The following POU6F2 variants were observed in gnomAD, a reference collection of about 807,000 sequenced individuals.
POU6F2 encodes the protein POU class 6 homeobox 2, also known as POU domain, class 6, transcription factor 2.
A neutral mutation model predicts 71.3 loss-of-function variants in POU6F2; 31 were observed. That is an observed-to-expected ratio of 0.43 (90% CI 0.33 to 0.59). The LOEUF is 0.59. POU6F2 is among the 20% of genes least tolerant of loss of function. The pLI is 0.04. For missense variants in POU6F2, 783 were observed against 856.8 expected (o/e 0.91, Z 1.07); for synonymous variants, 347 against 355.7 (o/e 0.98, Z 0.27).
intron 2 of POU6F2, among the ~76,000 whole-genome samples, chr7:39,178,184 G>A (rs1219279823): frequency 2.0e-5 from 3 of 152,104 alleles, no homozygotes; most frequent in Non-Finnish European, 4.4e-5. Flanking sequence ...AACTCAGGTG[G>A]CAGAGGTTGC....
chr7:39,185,096 A>G (rs1192639473), intron 2 of POU6F2, among the ~76,000 whole-genome samples: 3 of 152,172 alleles, frequency 2.0e-5, no homozygotes, highest in Non-Finnish European at 4.4e-5. Flanking sequence ...AATAATATAG[A>G]CCTGGAATTT....
chr7:39,322,913 G>A (rs928645216), intron 4 of POU6F2, among the ~76,000 whole-genome samples: 2 of 152,030 alleles, frequency 1.3e-5, no homozygotes, highest in African/African-American at 4.8e-5. Flanking sequence ...GTGGATCTTG[G>A]GAACCTCAGA....
At chr7:39,068,352 A>G (rs1027859781) in intron 1 of POU6F2, among the ~76,000 whole-genome samples, 77 of 152,262 alleles carry the variant, frequency 5.1e-4, no homozygotes, top group African/African-American at 1.8e-3. Flanking sequence ...ACCTAGTTGG[A>G]AGCACATATT....
At chr7:39,218,144 G>A (rs1280776880) in intron 4 of POU6F2, among the ~76,000 whole-genome samples, 2 of 152,106 alleles carry the variant, frequency 1.3e-5, no homozygotes, top group Non-Finnish European at 2.9e-5. Context: ...CCAGCCATCC[G>A]AGTTGGCAAA....
chr7:39,310,369 T>G (rs1196623310), intron 4 of POU6F2, among the ~76,000 whole-genome samples: 1 of 152,194 alleles, frequency 6.6e-6, no homozygotes, highest in South Asian at 2.1e-4. Context: ...CTTATTGATT[T>G]ATACACAAAT....
chr7:39,020,138 G>T (rs1789651393), intron 1 of POU6F2, among the ~76,000 whole-genome samples: 1 of 152,066 alleles, frequency 6.6e-6, no homozygotes, highest in South Asian at 2.1e-4. Flanking sequence ...CCCAATCTGG[G>T]GTCTTATCCT....
chr7:39,120,201 G>A (rs1049477830), intron 2 of POU6F2, among the ~76,000 whole-genome samples: 26 of 152,080 alleles, frequency 1.7e-4, no homozygotes, highest in African/African-American at 5.3e-4. Flanking sequence ...GTAGGGTCTC[G>A]CTATGCTGCT....
In POU6F2 at chr7:39,464,572, G is replaced by A; in HGVS notation, c.2049G>A (p.Trp683Ter). 6.2e-7 allele frequency: 1 copy of A among 1,612,606 alleles called. No individual in the cohort carries two copies. Among genetic ancestry groups the A allele is most frequent in the Non-Finnish European group, 8.5e-7 (1 of 1,179,324 alleles). ...LNYDREVVRV[W>*]FCNKRQALKN... ...ATGACCGAGAAGTAGTTAGAGTTTG[G>A]TTCTGCAATAAGAGGCAAGCCCTGA... Residue 683 changes from tryptophan (W) to a stop codon, truncating the protein, a stop_gained, in exon 10 of 10, where the codon TGG (tryptophan) becomes TGA (stop). Transcript: ENST00000518318. LOFTEE classifies it high-confidence loss of function. The surrounding 1 kb of genome is among the most constrained non-coding windows in gnomAD (Gnocchi z 4.1).
intron 4 of POU6F2, among the ~76,000 whole-genome samples, chr7:39,208,931 C>T (rs996186779): frequency 2.0e-5 from 3 of 151,964 alleles, no homozygotes; most frequent in East Asian, 1.9e-4. Flanking sequence ...CAAAATGCAG[C>T]CTTCCGTTTG....
chr7:39,156,464 A>G (rs1792871877), intron 2 of POU6F2, among the ~76,000 whole-genome samples: 1 of 152,186 alleles, frequency 6.6e-6, no homozygotes, highest in African/African-American at 2.4e-5. Flanking sequence ...GATAATATAT[A>G]AAAAGAGTTT....
At chr7:39,246,513 G>A (rs1318097167) in intron 4 of POU6F2, among the ~76,000 whole-genome samples, 3 of 152,132 alleles carry the variant, frequency 2.0e-5, no homozygotes, top group Admixed American at 6.5e-5. Flanking sequence ...CTGGCATCAG[G>A]TGTCAACCCC....
Position 39,464,020 on chromosome 7 carries a change from C to T in POU6F2, c.1659-162C>T, listed in dbSNP as rs752662789. Among the ~76,000 whole-genome samples, 11 of 152,182 alleles carry T rather than the reference C, an allele frequency of 7.2e-5. No homozygotes were observed. Among genetic ancestry groups the T allele is most frequent in the Admixed American group, 2.0e-4 (3 of 15,280 alleles). On this transcript the variant is annotated intron_variant, in intron 9 of 9. Coordinates refer to ENST00000518318, the MANE Select transcript of POU6F2 (RefSeq NM_001370959.1). This position sits in a 1 kb window ranked among gnomAD's most constrained non-coding sequence, Gnocchi z 4.1. ...GGTTTGCATGGTCTGGCATGGAGCACGCTGGGAGGGTGGGCGCTGGCTTGG... is the reference window on the plus strand; with the variant it reads ...GGTTTGCATGGTCTGGCATGGAGCATGCTGGGAGGGTGGGCGCTGGCTTGG...
chr7:39,464,472 T>A lies in POU6F2; in HGVS notation c.1949T>A (p.Ile650Asn). 1.2e-6 allele frequency: 2 copies of A among 1,613,798 alleles called. No homozygotes were observed. The highest frequency in any genetic ancestry group is 1.7e-6 in the Non-Finnish European group (2 of 1,179,822). ...TCCTTCACACCCCAGGCCCTTGAGA[T>A]CCTCAATGCCCACTTTGAGAAGAAC... ...RTSFTPQALE[I>N]LNAHFEKNTH... The change falls in exon 10 of 10, where the codon ATC becomes AAC. Residue 650 changes from isoleucine to asparagine, a missense_variant. By Grantham distance (149) the Ile-to-Asn change is moderately radical. This residue lies in a region of POU6F2 where 211 missense variants were observed against 283.9 expected (regional missense o/e 0.74). Coordinates refer to ENST00000518318, the MANE Select transcript of POU6F2 (RefSeq NM_001370959.1). This position sits in a 1 kb window ranked among gnomAD's most constrained non-coding sequence, Gnocchi z 4.1.
At chr7:39,357,858 A>G (rs1220849071) in intron 5 of POU6F2, among the ~76,000 whole-genome samples, 1 of 152,194 alleles carries the variant, frequency 6.6e-6, no homozygotes, top group African/African-American at 2.4e-5. Context: ...CAGAGTACGA[A>G]TTGCTCTAGC....
intron 4 of POU6F2, among the ~76,000 whole-genome samples, chr7:39,250,754 T>A (rs974165365): frequency 6.6e-6 from 1 of 152,202 alleles, no homozygotes; most frequent in Non-Finnish European, 1.5e-5. Context: ...TAATTCATAT[T>A]ATGATATGAA....
rs1469327706 is a variant in POU6F2 at position 39,339,988 on chromosome 7, A to T, written c.945A>T (p.Ser315=). 1 of 1,611,886 alleles carries T rather than the reference A, an allele frequency of 6.2e-7. No homozygotes were observed. Among genetic ancestry groups the T allele is most frequent in the Non-Finnish European group, 8.5e-7 (1 of 1,178,488 alleles). The part of the protein sequence containing the change: ...PSQSPGHGLP[S]PLTPPNPLQL... ...AGTCTCCAGGACATGGCCTGCCTTC[A>T]CCGCTCACGCCACCCAATCCTCTAC... Residue 315 remains serine (S), a synonymous_variant, in exon 5 of 10, where the codon TCA becomes TCT. Transcript: ENST00000518318.
Position 39,103,866 on chromosome 7 carries a change from C to T in POU6F2, c.277+17835C>T, listed in dbSNP as rs368494247. 4.4e-4 allele frequency among the ~76,000 whole-genome samples: 67 copies of T among 152,282 alleles called. 1 individual carries two copies. The South Asian group carries it at 0.013, about 31-fold the overall frequency. The stretch of plus-strand genomic sequence containing the variant: ...TATTTCAAGGCTAGAACAGAGAAGG[C>T]ATCCCAGGTAGGGCAAACATCATGG... On this transcript the variant is annotated intron_variant, in intron 2 of 9. Coordinates refer to ENST00000518318, the MANE Select transcript of POU6F2 (RefSeq NM_001370959.1).
At chr7:39,258,057 G>A (rs1051029470) in intron 4 of POU6F2, among the ~76,000 whole-genome samples, 1 of 152,144 alleles carries the variant, frequency 6.6e-6, no homozygotes, top group African/African-American at 2.4e-5. Context: ...ATTACCTGGG[G>A]AGAAGAATGT....
chr7:39,069,393 T>C (rs776012709), intron 1 of POU6F2, among the ~76,000 whole-genome samples: 1 of 152,222 alleles, frequency 6.6e-6, no homozygotes, highest in South Asian at 2.1e-4. Context: ...GGAAGGGCTT[T>C]CATGCCCGGA....
Sources: gnomAD v4.1 joint callset for allele counts (sites outside exome capture counted in the v4.1 genomes callset) on GRCh38, gnomAD v4.1.1 for gene constraint, gnomAD v4.1.1 regional missense constraint, Gnocchi (gnomAD v3.1) non-coding constraint, MANE v1.5 for transcripts, NCBI Gene and HGNC (gene_info 2026-07-23, HGNC 2026-07-21) for gene names.